TCF20: variants seen among roughly 807,000 people sequenced by gnomAD.
The protein encoded by TCF20 is SPRE-binding protein.
TCF20 carries 3 observed loss-of-function variants against 148.6 expected under a neutral mutation model. That is an observed-to-expected ratio of 0.02 (90% CI 0.01 to 0.05). The LOEUF is 0.05. Among genes scored for constraint, TCF20 ranks in the 10% least tolerant of loss-of-function variants. The pLI, the probability that TCF20 is intolerant of heterozygous loss-of-function variation, is 1.00. For synonymous variants in TCF20, 1,049 were observed against 909.5 expected (o/e 1.15, Z -2.76); for missense variants, 2,350 against 2,429.3 (o/e 0.97, Z 0.69).
intron 3 of TCF20, among the ~76,000 whole-genome samples, 193 bp downstream of exon 3, chr22:42,179,416 T>G (rs1601532621): frequency 7.7e-6 from 1 of 129,436 alleles, no homozygotes; most frequent in African/African-American, 2.9e-5. Flanking sequence ...AACAGAATAG[T>G]GGTTGCCAGG....
chr22:42,288,930 T>C (rs184808390), upstream of TCF20, among the ~76,000 whole-genome samples: 104 of 152,312 alleles, frequency 6.8e-4, no homozygotes, highest in African/African-American at 2.5e-3. Context: ...ACTGCCACTT[T>C]GGTGCAAGCC....
At chr22:42,225,160 T>TA (rs1346218503) in intron 1 of TCF20, among the ~76,000 whole-genome samples, 1 of 152,002 alleles carries the variant, frequency 6.6e-6, no homozygotes, top group East Asian at 1.9e-4. Context: ...CACGTCCGGC[T>TA]AATTTTTGTA....
intron 1 of TCF20, among the ~76,000 whole-genome samples, chr22:42,342,917 C>T (rs1044707324): frequency 7.2e-5 from 11 of 152,294 alleles, no homozygotes; most frequent in Admixed American, 7.2e-4. Flanking sequence ...AACCTTTCAG[C>T]TTCTAGGCGC....
At position 42,161,351 on chromosome 22, in the gene TCF20, A is replaced by G. The variant is rs1286702336; in HGVS notation, c.*52T>C. ...GTGTCCACCACCTTCTCATCTCCACAGTCTCACCTGGAAGACAAGGGACAC... is the reference window on the plus strand; with the variant it reads ...GTGTCCACCACCTTCTCATCTCCACGGTCTCACCTGGAAGACAAGGGACAC... On this transcript the variant is annotated 3_prime_UTR_variant, in exon 6 of 6. Transcript: ENST00000677622. 1 of 1,614,080 alleles carries G rather than the reference A, an allele frequency of 6.2e-7. No homozygotes were observed. The highest frequency in any genetic ancestry group is 2.2e-5 in the East Asian group (1 of 44,880).
chr22:42,237,727 AAAC>A (rs1391189059), intron 1 of TCF20, among the ~76,000 whole-genome samples: 2 of 152,206 alleles, frequency 1.3e-5, no homozygotes, highest in African/African-American at 2.4e-5. Context: ...GCAAGCATGA[AAAC>A]AACATTTATC....
intron 1 of TCF20, among the ~76,000 whole-genome samples, chr22:42,302,372 A>G (rs1927352751): frequency 6.6e-6 from 1 of 152,030 alleles, no homozygotes; most frequent in South Asian, 2.1e-4. Flanking sequence ...TGGACAGCAA[A>G]GGGCGGGGGC....
At chr22:42,192,312 G>T (rs764188764) in intron 2 of TCF20, among the ~76,000 whole-genome samples, 4 of 152,140 alleles carry the variant, frequency 2.6e-5, no homozygotes, top group Non-Finnish European at 4.4e-5. Flanking sequence ...ATACTGAAGC[G>T]GAAATCTCCA....
At chr22:42,306,624 C>T (rs1927438991) in intron 1 of TCF20, among the ~76,000 whole-genome samples, 1 of 152,238 alleles carries the variant, frequency 6.6e-6, no homozygotes, top group African/African-American at 2.4e-5. Flanking sequence ...GGGGCTTCGT[C>T]TGAGCCTGGG....
In TCF20 at chr22:42,212,961, A is replaced by G. The variant is rs1317694448; in HGVS notation, c.2345T>C (p.Leu782Pro). 4 of 1,614,020 alleles carry G rather than the reference A, an allele frequency of 2.5e-6. No individual in the cohort carries two copies. The Admixed American group carries it at 6.7e-5, about 27-fold the overall frequency. Reference sequence around the variant, plus strand: ...GACATTGGGCCTTGTGGTTCCTTCTAGGCTACCAGCCATCCCCTGATGCTC... The same window carrying G: ...GACATTGGGCCTTGTGGTTCCTTCTGGGCTACCAGCCATCCCCTGATGCTC... ...TQEHQGMAGS[L>P]EGTTRPNVLV... The change falls in exon 2 of 6, where the codon CTA (leucine) becomes CCA (proline). Residue 782 changes from leucine to proline, a missense_variant. By Grantham distance (98) the Leu-to-Pro change is moderately conservative. Transcript: ENST00000677622.
chr22:42,175,296 C>G (rs149328325), intron 3 of TCF20, among the ~76,000 whole-genome samples: 1 of 152,096 alleles, frequency 6.6e-6, no homozygotes, highest in Non-Finnish European at 1.5e-5. Flanking sequence ...CTCCCGAGTA[C>G]CTGAGATTAC....
Position 42,210,594 on chromosome 22 carries a change from G to C in TCF20, c.4712C>G (p.Ala1571Gly), listed in dbSNP as rs766881431. 5 of 1,614,022 alleles carry C rather than the reference G, an allele frequency of 3.1e-6. No homozygotes were observed. The highest frequency in any genetic ancestry group is 4.2e-6 in the Non-Finnish European group (5 of 1,180,052). ...PQPPQIPEGSADGEPKPKKQR... is the reference protein window; with the variant it reads ...PQPPQIPEGSGDGEPKPKKQR... ...TTTTTTTGGCTTTGGCTCTCCATCT[G>C]CAGAACCTTCTGGTATCTGTGGGGG... Residue 1571 changes from alanine (A) to glycine (G), a missense_variant, in exon 2 of 6, where the codon GCA becomes GGA. Physicochemically the swap from Ala to Gly is moderately conservative, Grantham distance 60. Coordinates refer to ENST00000677622, the MANE Select transcript of TCF20 (RefSeq NM_001378418.1). The surrounding 1 kb of genome is among the most constrained non-coding windows in gnomAD (Gnocchi z 4.7).
chr22:42,238,844 G>A lies in TCF20; in HGVS notation c.-36-23503C>T, dbSNP rs577388914. ...TTACAAAAGTAACATCAGGCCGGGCGCGGTGGCTCACGCCTGTAATCCCAG... is the reference window on the plus strand; with the variant it reads ...TTACAAAAGTAACATCAGGCCGGGCACGGTGGCTCACGCCTGTAATCCCAG... On this transcript the variant is annotated intron_variant, in intron 1 of 5. Coordinates refer to ENST00000677622, the MANE Select transcript of TCF20 (RefSeq NM_001378418.1). 1.1e-4 allele frequency among the ~76,000 whole-genome samples: 16 copies of A among 152,314 alleles called. No individual in the cohort carries two copies. The South Asian group carries it at 1.7e-3, about 16-fold the overall frequency.
chr22:42,237,895 T>C (rs904839836), intron 1 of TCF20, among the ~76,000 whole-genome samples: 9 of 152,264 alleles, frequency 5.9e-5, no homozygotes, highest in South Asian at 2.1e-4. Context: ...CTAGGTTTTG[T>C]TGATCCACTG....
intron 1 of TCF20, among the ~76,000 whole-genome samples, chr22:42,268,101 G>A (rs1370454844): frequency 2.0e-5 from 3 of 152,160 alleles, no homozygotes; most frequent in South Asian, 2.1e-4. Context: ...AGCTGAGATC[G>A]TGCCACTGCA....
intron 1 of TCF20, among the ~76,000 whole-genome samples, chr22:42,321,045 A>T (rs958272268): frequency 1.3e-5 from 2 of 152,240 alleles, no homozygotes; most frequent in Non-Finnish European, 2.9e-5. Flanking sequence ...ATTTAAATAC[A>T]CAGGAGTCAG....
In TCF20 at chr22:42,281,952, A is replaced by G. The variant is rs145803355; in HGVS notation, c.-37+1875T>C. On this transcript the variant is annotated intron_variant, in intron 1 of 5. Transcript: ENST00000359486. The stretch of plus-strand genomic sequence containing the variant: ...CTCTGCACCCAAAGGCCTAACAGGG[A>G]GACAGACCCACGTCTGTGTGGTCAG... Among the ~76,000 whole-genome samples, 82 of 152,330 alleles carry G rather than the reference A, an allele frequency of 5.4e-4. No individual in the cohort carries two copies. The East Asian group carries it at 0.013, about 25-fold the overall frequency.
At chr22:42,230,628 G>A (rs889408522) in intron 1 of TCF20, among the ~76,000 whole-genome samples, 1 of 144,126 alleles carries the variant, frequency 6.9e-6, no homozygotes, top group Non-Finnish European at 1.5e-5. Flanking sequence ...CTGGGCGACA[G>A]AGAGAGACTG....
intron 1 of TCF20, among the ~76,000 whole-genome samples, chr22:42,238,858 C>T (rs1371498316): frequency 6.6e-6 from 1 of 152,188 alleles, no homozygotes; most frequent in African/African-American, 2.4e-5. Context: ...TGGCTCACGC[C>T]TGTAATCCCA....
At chr22:42,161,970 GTCT>G (rs1569090308) in intron 5 of TCF20, among the ~76,000 whole-genome samples, 3 of 75,104 alleles carry the variant, frequency 4.0e-5, no homozygotes, top group African/African-American at 6.5e-5. Flanking sequence ...GCTAATGACA[GTCT>G]TTTTTTTTTT....
Sources: allele counts gnomAD v4.1 joint callset (sites outside exome capture counted in the v4.1 genomes callset), GRCh38; gene constraint gnomAD v4.1.1; non-coding constraint Gnocchi (gnomAD v3.1); transcripts MANE v1.5; gene names NCBI Gene and HGNC (gene_info 2026-07-23, HGNC 2026-07-21).